Variants in SORCS3 observed in about 807,000 individuals in gnomAD.
SORCS3 encodes the protein sortilin related VPS10 domain containing receptor 3.
In SORCS3, 57 loss-of-function variants were observed where a neutral mutation model predicts 146.3. The observed-to-expected ratio is 0.39, with a 90% CI of 0.31 to 0.49. The LOEUF is 0.49. Among genes scored for constraint, SORCS3 ranks in the 20% least tolerant of loss-of-function variants. The pLI is 0.92. For missense variants in SORCS3, 1,341 were observed against 1,575.5 expected (o/e 0.85, Z 2.52); for synonymous variants, 653 against 618.5 (o/e 1.06, Z -0.83).
intron 4 of SORCS3, among the ~76,000 whole-genome samples, chr10:104,984,970 G>T (rs1374132768): frequency 2.0e-5 from 3 of 152,128 alleles, no homozygotes; most frequent in Non-Finnish European, 4.4e-5. Flanking sequence ...ATCTTACCTT[G>T]TTATAGATGA....
intron 1 of SORCS3, among the ~76,000 whole-genome samples, chr10:104,792,660 C>T (rs2017508365): frequency 6.6e-6 from 1 of 152,140 alleles, no homozygotes; most frequent in Non-Finnish European, 1.5e-5. Flanking sequence ...GGCTAAAATT[C>T]TTCTACTTTA....
intron 2 of SORCS3, among the ~76,000 whole-genome samples, chr10:104,865,700 G>C (rs537224520): frequency 6.6e-6 from 1 of 152,196 alleles, no homozygotes; most frequent in Non-Finnish European, 1.5e-5. Context: ...GGAGAAACCC[G>C]TGAGTCTGAA....
chr10:104,978,971 C>G (rs1027205215), intron 4 of SORCS3, among the ~76,000 whole-genome samples: 1 of 152,158 alleles, frequency 6.6e-6, no homozygotes, highest in Non-Finnish European at 1.5e-5. Context: ...ACCTCTGCCC[C>G]TTGCTCCCTT....
intron 14 of SORCS3, among the ~76,000 whole-genome samples, chr10:105,180,767 C>G (rs994736505): frequency 2.0e-5 from 3 of 152,102 alleles, no homozygotes; most frequent in African/African-American, 7.2e-5. Flanking sequence ...CCCCCAGGTT[C>G]TTTGTATCTG....
intron 5 of SORCS3, among the ~76,000 whole-genome samples, chr10:105,085,733 C>G (rs1401080778): frequency 1.3e-5 from 2 of 152,104 alleles, no homozygotes; most frequent in South Asian, 2.1e-4. Flanking sequence ...GATTTAAGGA[C>G]CTTTAGCTGT....
At chr10:104,975,426 G>T (rs1361626201) in intron 3 of SORCS3, among the ~76,000 whole-genome samples, 4 of 152,106 alleles carry the variant, frequency 2.6e-5, no homozygotes, top group African/African-American at 9.7e-5. Flanking sequence ...CAAAGAAATG[G>T]AAGAACATTC....
chr10:105,189,750 C>G (rs1193215301), intron 14 of SORCS3, among the ~76,000 whole-genome samples: 1 of 152,138 alleles, frequency 6.6e-6, no homozygotes, highest in Non-Finnish European at 1.5e-5. Flanking sequence ...CTTAGTTTCC[C>G]CAGCTAGCAT....
intron 4 of SORCS3, among the ~76,000 whole-genome samples, chr10:104,978,626 T>C (rs1393136561): frequency 6.6e-6 from 1 of 152,228 alleles, no homozygotes; most frequent in African/African-American, 2.4e-5. Context: ...AATACCTTTT[T>C]ATTCCATCCA....
intron 1 of SORCS3, among the ~76,000 whole-genome samples, chr10:104,773,138 A>G (rs979458365): frequency 6.6e-6 from 1 of 152,170 alleles, no homozygotes; most frequent in African/African-American, 2.4e-5. Flanking sequence ...AGCAGCACAC[A>G]TGTGAGTCCC....
chr10:105,167,161 C>G (rs2056320552), intron 12 of SORCS3, 97 bp from the exon 13 acceptor site: 3 of 939,002 alleles, frequency 3.2e-6, no homozygotes, highest in South Asian at 3.3e-5. Flanking sequence ...GGCTCAGAAC[C>G]TAGATGAAAC....
chr10:105,014,099 A>ACATG (rs1554868667), intron 4 of SORCS3, among the ~76,000 whole-genome samples: 1 of 101,778 alleles, frequency 9.8e-6, no homozygotes, highest in Non-Finnish European at 2.2e-5. Flanking sequence ...ATATATATAC[A>ACATG]TATATATATA....
At chr10:105,243,995 C>A (rs1051022175) in intron 20 of SORCS3, among the ~76,000 whole-genome samples, 1 of 152,112 alleles carries the variant, frequency 6.6e-6, no homozygotes, top group Non-Finnish European at 1.5e-5. Flanking sequence ...CAGCTCTGTG[C>A]TTCTGCAGCT....
At chr10:105,143,985 G>A (rs1158928171) in intron 8 of SORCS3, among the ~76,000 whole-genome samples, 1 of 152,058 alleles carries the variant, frequency 6.6e-6, no homozygotes, top group Non-Finnish European at 1.5e-5. Flanking sequence ...TCTTCACAAT[G>A]CTTCCGCAAT....
intron 24 of SORCS3, 149 bp downstream of exon 24, chr10:105,255,950 G>T: frequency 1.7e-6 from 1 of 605,250 alleles, no homozygotes; most frequent in South Asian, 2.3e-5. Flanking sequence ...AGAAGGATTG[G>T]TCACATCAGT....
chr10:104,811,826 A>T (rs1203022266), intron 1 of SORCS3, among the ~76,000 whole-genome samples: 2 of 152,160 alleles, frequency 1.3e-5, no homozygotes, highest in Non-Finnish European at 2.9e-5. Flanking sequence ...GAAATGATTG[A>T]TGTTTTGAGA....
At chr10:105,030,887 C>T (rs1204336749) in intron 4 of SORCS3, among the ~76,000 whole-genome samples, 9 of 152,024 alleles carry the variant, frequency 5.9e-5, no homozygotes, top group Non-Finnish European at 1.2e-4. Context: ...GCCACTGCAC[C>T]TGGCCTGTGG....
At chr10:105,023,455 G>A (rs192040101) in intron 4 of SORCS3, among the ~76,000 whole-genome samples, 283 of 152,234 alleles carry the variant, frequency 1.9e-3, no homozygotes, top group Admixed American at 4.2e-3. Context: ...TGTGGGGGGA[G>A]CCTCCTTTCT....
chr10:104,853,977 G>C (rs1191959747), intron 2 of SORCS3, among the ~76,000 whole-genome samples: 1 of 152,130 alleles, frequency 6.6e-6, no homozygotes, highest in Non-Finnish European at 1.5e-5. Flanking sequence ...CCCGAGATTC[G>C]TGCTGTCAGT....
intron 1 of SORCS3, among the ~76,000 whole-genome samples, chr10:104,826,596 C>T (rs958536180): frequency 2.0e-5 from 3 of 152,172 alleles, no homozygotes; most frequent in South Asian, 2.1e-4. Flanking sequence ...CTAATGATTA[C>T]CCGAGCCTTT....
Sources: gnomAD v4.1 joint callset for allele counts (sites outside exome capture counted in the v4.1 genomes callset) on GRCh38, gnomAD v4.1.1 for gene constraint, MANE v1.5 for transcripts, NCBI Gene and HGNC (gene_info 2026-07-23, HGNC 2026-07-21) for gene names.